STUM: variants seen among roughly 807,000 people sequenced by gnomAD.
STUM encodes the protein stum, mechanosensory transduction mediator homolog, also known as protein stum homolog.
In STUM, 8 loss-of-function variants were observed where a neutral mutation model predicts 15.3. That is an observed-to-expected ratio of 0.52 (90% CI 0.31 to 0.94). The LOEUF is 0.94. Ranked by LOEUF, STUM falls within the 40% of genes least tolerant of loss-of-function variation. STUM has a pLI of 0.05. For missense variants in STUM, 142 were observed against 204.9 expected, an observed-to-expected ratio of 0.69 and a Z score of 1.87; for synonymous variants, 78 against 88.7, an observed-to-expected ratio of 0.88 and a Z score of 0.68.
At chr1:226,566,903 G>A (rs1667634757) in intron 1 of STUM, among the ~76,000 whole-genome samples, 1 of 152,180 alleles carries the variant, frequency 6.6e-6, no homozygotes, top group South Asian at 2.1e-4. Flanking sequence ...CATGATTTTT[G>A]TGGGGATTTT....
intron 1 of STUM, among the ~76,000 whole-genome samples, chr1:226,562,828 C>T (rs1029935079): frequency 7.9e-5 from 12 of 152,106 alleles, no homozygotes; most frequent in African/African-American, 2.9e-4. Flanking sequence ...ATTATTGAGA[C>T]AATTGACAAA....
Position 226,548,837 on chromosome 1 carries a change from C to G in STUM, c.-68C>G. On this transcript the variant is annotated 5_prime_UTR_variant, in exon 1 of 4. Coordinates refer to ENST00000366788, the MANE Select transcript of STUM (RefSeq NM_001003665.4). ...GAGCCCGGAGCCCGCAGCCGACAGTCTCCTGCTCCCGTACGCTGGGCGCCA... is the reference window on the plus strand; with the variant it reads ...GAGCCCGGAGCCCGCAGCCGACAGTGTCCTGCTCCCGTACGCTGGGCGCCA... 8.1e-7 allele frequency: 1 copy of G among 1,228,124 alleles called. No individual in the cohort carries two copies. The highest frequency in any genetic ancestry group is 1.0e-6 in the Non-Finnish European group (1 of 973,754). 76.1% of individuals were successfully genotyped at this position (1,228,124 alleles called of 1,614,324 possible). A position where few individuals can be genotyped will look rare whatever the true frequency, so the allele number is the denominator to read the frequency against.
chr1:226,588,168 G>T lies in STUM; in HGVS notation c.203-8634G>T, dbSNP rs57549633. Among the ~76,000 whole-genome samples the T allele has an allele frequency of 4.0e-3, 615 of 152,248 alleles. 5 individuals are homozygous for T. Among genetic ancestry groups the T allele is most frequent in the African/African-American group, 0.014 (580 of 41,530 alleles). On this transcript the variant is annotated intron_variant, in intron 1 of 3. Coordinates refer to ENST00000366788, the MANE Select transcript of STUM (RefSeq NM_001003665.4). ...TCTGAGTCCTCCTTGCAAATTCCTTGCTGGCCAGGACATGAGGCTGCACAC... is the reference window on the plus strand; with the variant it reads ...TCTGAGTCCTCCTTGCAAATTCCTTTCTGGCCAGGACATGAGGCTGCACAC...
In STUM at chr1:226,575,888, G is replaced by A. The variant is rs182242939; in HGVS notation, c.203-20914G>A. Among the ~76,000 whole-genome samples the A allele has an allele frequency of 5.6e-3, 856 of 152,318 alleles. 3 individuals are homozygous for A. Among genetic ancestry groups the A allele is most frequent in the Non-Finnish European group, 8.6e-3 (585 of 68,020 alleles). ...TGGTGACTTTCTCCCCAGAGCCTGCGTTGGCATCAGGCCAAGGGCTGAGTC... is the reference window on the plus strand; with the variant it reads ...TGGTGACTTTCTCCCCAGAGCCTGCATTGGCATCAGGCCAAGGGCTGAGTC... On this transcript the variant is annotated intron_variant, in intron 1 of 3. Transcript: ENST00000366788.
rs990740553 is a variant in STUM at position 226,567,998 on chromosome 1, C to G, written c.202+18892C>G. Among the ~76,000 whole-genome samples the G allele has an allele frequency of 6.6e-6, 1 of 152,192 alleles. No homozygotes were observed. Among genetic ancestry groups the G allele is most frequent in the East Asian group, 1.9e-4 (1 of 5,198 alleles). ...TTCCTTGGAAGCCAAACCTGAGACACCCGGGAGAGGTCATGTGCGTGCCCG... is the reference window on the plus strand; with the variant it reads ...TTCCTTGGAAGCCAAACCTGAGACAGCCGGGAGAGGTCATGTGCGTGCCCG... On this transcript the variant is annotated intron_variant, in intron 1 of 3. Transcript: ENST00000366788. This position sits in a 1 kb window ranked among gnomAD's most constrained non-coding sequence, Gnocchi z 4.5.
rs1668293661 is a variant in STUM, at chr1:226,602,866, C to T, written c.*826C>T. ...TGGCCCACATTCCTTTTTCTGAAGT[C>T]ATTGGGGCCAGATGTGTCTCCGAAT... On this transcript the variant is annotated 3_prime_UTR_variant, in exon 4 of 4. Transcript: ENST00000366788. 1 of 152,218 alleles carries T rather than the reference C, an allele frequency of 6.6e-6. No individual in the cohort carries two copies. The highest frequency in any genetic ancestry group is 1.5e-5 in the Non-Finnish European group (1 of 68,040). 9.4% of individuals were successfully genotyped at this position (152,218 alleles called of 1,614,324 possible).
intron 1 of STUM, among the ~76,000 whole-genome samples, chr1:226,579,336 CAT>C (rs1667875228): frequency 6.6e-6 from 1 of 152,228 alleles, no homozygotes; most frequent in Admixed American, 6.5e-5. Context: ...GCTCCCAACA[CAT>C]GAGTGCAGCC....
At chr1:226,569,778 C>T (rs1038523912) in intron 1 of STUM, among the ~76,000 whole-genome samples, 1 of 152,174 alleles carries the variant, frequency 6.6e-6, no homozygotes, top group Non-Finnish European at 1.5e-5. Context: ...GGCCTGCCTG[C>T]GTGACCCTCT....
intron 2 of STUM, among the ~76,000 whole-genome samples, chr1:226,599,349 C>G (rs985274516): frequency 6.6e-6 from 1 of 152,212 alleles, no homozygotes; most frequent in Admixed American, 6.5e-5. Context: ...ATCCCACCCC[C>G]AAAGGGTGAA....
chr1:226,563,952 G>A (rs1184772853), intron 1 of STUM, among the ~76,000 whole-genome samples: 1 of 152,196 alleles, frequency 6.6e-6, no homozygotes, highest in Non-Finnish European at 1.5e-5. Context: ...AGGGTGGTGA[G>A]CTCTGATGCA....
intron 1 of STUM, among the ~76,000 whole-genome samples, chr1:226,555,173 A>C (rs1167253869): frequency 6.6e-6 from 1 of 152,114 alleles, no homozygotes; most frequent in Non-Finnish European, 1.5e-5. Flanking sequence ...TCCCCAGGGC[A>C]CTTGGTCTTC....
chr1:226,570,281 G>A (rs974289731), intron 1 of STUM, among the ~76,000 whole-genome samples: 1 of 152,188 alleles, frequency 6.6e-6, no homozygotes, highest in Non-Finnish European at 1.5e-5. Flanking sequence ...ACATAATGGA[G>A]TTGAGTCAGG....
At chr1:226,569,685 C>T (rs1472508972) in intron 1 of STUM, among the ~76,000 whole-genome samples, 3 of 152,136 alleles carry the variant, frequency 2.0e-5, no homozygotes, top group Non-Finnish European at 2.9e-5. Flanking sequence ...AGAAACACTC[C>T]TGGGGAAGCT....
At chr1:226,587,239 C>T (rs1668012416) in intron 1 of STUM, among the ~76,000 whole-genome samples, 1 of 152,112 alleles carries the variant, frequency 6.6e-6, no homozygotes, top group Non-Finnish European at 1.5e-5. Context: ...TTATTAGCTC[C>T]AGTCGCCTTC....
At position 226,565,227 on chromosome 1, in the gene STUM, C is replaced by T. The variant is rs1667602394; in HGVS notation, c.202+16121C>T. ...CAACAACAGCCTTCCCTCTCCCTGC[C>T]CCTCAGGCCCAAGGGTGGGAGTGGC... On this transcript the variant is annotated intron_variant, in intron 1 of 3. Coordinates refer to ENST00000366788, the MANE Select transcript of STUM (RefSeq NM_001003665.4). This position sits in a 1 kb window ranked among gnomAD's most constrained non-coding sequence, Gnocchi z 4.4. 3.9e-5 allele frequency among the ~76,000 whole-genome samples: 6 copies of T among 152,220 alleles called. No individual in the cohort carries two copies. In the South Asian group the frequency reaches 1.2e-3, roughly 31 times the overall value.
chr1:226,551,451 A>G (rs544637210), intron 1 of STUM, among the ~76,000 whole-genome samples: 18 of 152,318 alleles, frequency 1.2e-4, no homozygotes, highest in African/African-American at 4.1e-4. Context: ...GTCCCAGGCA[A>G]CAAAGCAGCT....
In STUM at chr1:226,606,426, C is replaced by T. The variant is rs1229643573; in HGVS notation, c.*4386C>T. ...GGTCCCTTCTAGGCTCCCAGGCCCACCTTAGGCTTTAATTGCATTGGCTGT... is the reference window on the plus strand; with the variant it reads ...GGTCCCTTCTAGGCTCCCAGGCCCATCTTAGGCTTTAATTGCATTGGCTGT... On this transcript the variant is annotated 3_prime_UTR_variant, in exon 4 of 4. Coordinates refer to ENST00000366788, the MANE Select transcript of STUM (RefSeq NM_001003665.4). The T allele has an allele frequency of 1.3e-5, 2 of 152,186 alleles. No individual in the cohort carries two copies. The highest frequency in any genetic ancestry group is 2.9e-5 in the Non-Finnish European group (2 of 68,042). 9.4% of individuals were successfully genotyped at this position (152,186 alleles called of 1,614,324 possible).
intron 1 of STUM, among the ~76,000 whole-genome samples, chr1:226,566,144 C>T (rs1474753490): frequency 6.6e-6 from 1 of 152,192 alleles, no homozygotes; most frequent in Non-Finnish European, 1.5e-5. Context: ...TCTCTTCCTC[C>T]ACTCACAGAA....
intron 3 of STUM, among the ~76,000 whole-genome samples, 196 bp from the exon 4 acceptor site, chr1:226,601,810 A>C (rs1668272612): frequency 6.6e-6 from 1 of 151,978 alleles, no homozygotes; most frequent in Admixed American, 6.5e-5. Flanking sequence ...CCAGTACTCC[A>C]CATTTCCTGA....
Sources: gnomAD v4.1 joint callset for allele counts (sites outside exome capture counted in the v4.1 genomes callset) on GRCh38, gnomAD v4.1.1 for gene constraint, Gnocchi (gnomAD v3.1) non-coding constraint, MANE v1.5 for transcripts, NCBI Gene and HGNC (gene_info 2026-07-23, HGNC 2026-07-21) for gene names.